The following DOCK1 variants were observed in gnomAD, a reference collection of about 807,000 sequenced individuals.
DOCK1 encodes the protein dedicator of cytokinesis protein 1.
A neutral mutation model predicts 262.7 loss-of-function variants in DOCK1; 138 were observed. The ratio of observed to expected loss-of-function variants is 0.53; its 90% CI spans 0.46 to 0.61. The LOEUF is 0.61. Among genes scored for constraint, DOCK1 ranks in the 20% least tolerant of loss-of-function variants. The pLI, the probability that DOCK1 is intolerant of heterozygous loss-of-function variation, is 0.00. For missense variants in DOCK1, 1,908 were observed against 2,370.7 expected (o/e 0.80, Z 4.05); for synonymous variants, 866 against 867.4 (o/e 1.00, Z 0.03).
rs1591711863 is a variant in DOCK1, at chr10:127,025,037, T to C, written c.1551+254T>C. 2.6e-5 allele frequency: 9 copies of C among 341,926 alleles called. No homozygotes were observed. In the East Asian group the frequency reaches 4.6e-4, roughly 18 times the overall value. The allele number at this position is 341,926 out of a possible 1,614,324, so 21.2% of individuals were successfully genotyped here. On this transcript the variant is annotated intron_variant, in intron 15 of 51. Coordinates refer to ENST00000623213, the MANE Select transcript of DOCK1 (RefSeq NM_001290223.2). ...GACAGAGTCTTTTTAAGATAGCTAT[T>C]GTCTTTCTCTTCCCAGTACTGTTTT...
At chr10:127,207,026 G>A (rs1564903459) in intron 27 of DOCK1, among the ~76,000 whole-genome samples, 1 of 152,168 alleles carries the variant, frequency 6.6e-6, no homozygotes, top group Non-Finnish European at 1.5e-5. Flanking sequence ...CTTGGCAGTG[G>A]AGGTGTAATC....
chr10:127,092,139 A>C (rs2047572294), intron 23 of DOCK1, among the ~76,000 whole-genome samples: 1 of 152,226 alleles, frequency 6.6e-6, no homozygotes, highest in South Asian at 2.1e-4. Flanking sequence ...GCTGTAGAAT[A>C]GTCCCATCAC....
Position 126,996,894 on chromosome 10 carries a change from C to G in DOCK1, c.609+11C>G, listed in dbSNP as rs367883319. 8.9e-5 allele frequency: 141 copies of G among 1,592,278 alleles called. No individual in the cohort carries two copies. In the African/African-American group the frequency reaches 1.7e-3, roughly 20 times the overall value. ...TTACAAGAGGAAAAAGTAAGTTTGA[C>G]TCTGTCATATGCCATTCACGTTTTC... On this transcript the variant is annotated intron_variant, in intron 7 of 51. Coordinates refer to ENST00000623213, the MANE Select transcript of DOCK1 (RefSeq NM_001290223.2).
chr10:126,951,396 T>G (rs1321961913), intron 1 of DOCK1, among the ~76,000 whole-genome samples: 2 of 151,840 alleles, frequency 1.3e-5, no homozygotes, highest in Non-Finnish European at 2.9e-5. Flanking sequence ...GTGATGGTAG[T>G]AGTATTGCTA....
At chr10:127,359,711 G>A (rs530853822) in intron 32 of DOCK1, among the ~76,000 whole-genome samples, 1 of 152,208 alleles carries the variant, frequency 6.6e-6, no homozygotes, top group Non-Finnish European at 1.5e-5. Context: ...CATTTTGTGT[G>A]TATGTCCACC....
intron 23 of DOCK1, among the ~76,000 whole-genome samples, chr10:127,063,574 T>C (rs1460026836): frequency 6.6e-6 from 1 of 152,234 alleles, no homozygotes; most frequent in Non-Finnish European, 1.5e-5. Context: ...CAACTTGATA[T>C]TGCCCAAAGC....
intron 27 of DOCK1, among the ~76,000 whole-genome samples, chr10:127,149,220 C>T (rs2052224382): frequency 6.6e-6 from 1 of 152,176 alleles, no homozygotes; most frequent in South Asian, 2.1e-4. Flanking sequence ...TCCCTTAGTG[C>T]AACCCCAGAG....
intron 49 of DOCK1, among the ~76,000 whole-genome samples, chr10:127,442,523 T>C (rs544573969): frequency 6.6e-6 from 1 of 152,170 alleles, no homozygotes; most frequent in Non-Finnish European, 1.5e-5. Context: ...GTAAGAAATA[T>C]GTAAATACAA....
rs914187216 is a variant in DOCK1 at position 126,934,322 on chromosome 10, A to T, written c.46+28759A>T. On this transcript the variant is annotated intron_variant, in intron 1 of 51. Coordinates refer to ENST00000623213, the MANE Select transcript of DOCK1 (RefSeq NM_001290223.2). ...AGGGGCACCGTTGATGTTGAGTCAG[A>T]ACCTGTGTGACAAATGCTACGCTCA... Among the ~76,000 whole-genome samples, 125 of 152,366 alleles carry T rather than the reference A, an allele frequency of 8.2e-4. No homozygotes were observed. In the Middle Eastern group the frequency reaches 0.01, roughly 12 times the overall value.
In DOCK1 at chr10:126,948,314, GTGA is replaced by G. The variant is rs1591401990; in HGVS notation, c.47-22385_47-22383del. Among the ~76,000 whole-genome samples the G allele has an allele frequency of 4.8e-3, 27 of 5,640 alleles. 7 individuals are homozygous for G. Among genetic ancestry groups the G allele is most frequent in the African/African-American group, 0.014 (14 of 974 alleles). 3.7% of individuals were successfully genotyped at this position (5,640 alleles called of 152,430 possible). ...GTGGTTGGTAGTATTACTGTTGGTG[GTGA>G]TGGTGGTGGTTGGTAGTATTACTGT... On this transcript the variant is annotated intron_variant, in intron 1 of 51. Coordinates refer to ENST00000623213, the MANE Select transcript of DOCK1 (RefSeq NM_001290223.2).
At chr10:126,993,157 G>T (rs1483883789) in intron 6 of DOCK1, among the ~76,000 whole-genome samples, 2 of 152,246 alleles carry the variant, frequency 1.3e-5, no homozygotes, top group African/African-American at 2.4e-5. Flanking sequence ...GCCCTGGCAG[G>T]TGTGAGGTGA....
In DOCK1 at chr10:127,186,150, A is replaced by T. The variant is rs553306624; in HGVS notation, c.2847+58386A>T. On this transcript the variant is annotated intron_variant, in intron 27 of 51. Transcript: ENST00000623213. Reference sequence around the variant, plus strand: ...AAAAACAATAGAGGGTCTGGGGCATACCCAGGGTTCTAGTGACTTCCAAGG... The same window carrying T: ...AAAAACAATAGAGGGTCTGGGGCATTCCCAGGGTTCTAGTGACTTCCAAGG... Among the ~76,000 whole-genome samples, 4 of 152,284 alleles carry T rather than the reference A, an allele frequency of 2.6e-5. No individual in the cohort carries two copies. In the East Asian group the frequency reaches 7.7e-4, roughly 29 times the overall value.
At chr10:127,265,586 C>G (rs767761495) in intron 29 of DOCK1, among the ~76,000 whole-genome samples, 2 of 152,202 alleles carry the variant, frequency 1.3e-5, no homozygotes, top group African/African-American at 2.4e-5. Flanking sequence ...ATTGACGTAG[C>G]ATATTACATT....
chr10:127,264,752 C>G (rs12253883), intron 29 of DOCK1, among the ~76,000 whole-genome samples: 4,478 of 152,160 alleles, frequency 0.029, 211 homozygotes, highest in African/African-American at 0.1. Flanking sequence ...CCTTTAACTA[C>G]TGGGTTCAAG....
chr10:126,927,817 G>A (rs2033873719), intron 1 of DOCK1, among the ~76,000 whole-genome samples: 2 of 152,150 alleles, frequency 1.3e-5, no homozygotes, highest in Non-Finnish European at 2.9e-5. Context: ...TAGGCGTTAA[G>A]GACTCAGTGA....
At chr10:127,005,784 A>G (rs1448522135) in intron 10 of DOCK1, among the ~76,000 whole-genome samples, 1 of 152,170 alleles carries the variant, frequency 6.6e-6, no homozygotes, top group East Asian at 1.9e-4. Context: ...TTTAAATACA[A>G]TATCCCGTCC....
Position 127,281,827 on chromosome 10 carries a change from T to C in DOCK1, c.3044+24398T>C, listed in dbSNP as rs76175603. Among the ~76,000 whole-genome samples, 494 of 152,262 alleles carry C rather than the reference T, an allele frequency of 3.2e-3. 1 individual carries two copies. Among genetic ancestry groups the C allele is most frequent in the African/African-American group, 0.01 (427 of 41,560 alleles). On this transcript the variant is annotated intron_variant, in intron 29 of 51. Transcript: ENST00000623213. The stretch of plus-strand genomic sequence containing the variant: ...AGATGAGTAGATGCTGACTTAGCTC[T>C]GTACAGCTCCCTGGCACCACCCATG...
intron 28 of DOCK1, among the ~76,000 whole-genome samples, chr10:127,249,430 TATAC>T (rs1435084525): frequency 0.024 from 3,143 of 132,114 alleles, 37 homozygotes; most frequent in Middle Eastern, 0.036. Flanking sequence ...TACATATATA[TATAC>T]ACACACACAC....
chr10:127,116,099 G>C (rs2049163281), intron 25 of DOCK1, among the ~76,000 whole-genome samples: 1 of 152,112 alleles, frequency 6.6e-6, no homozygotes, highest in Admixed American at 6.6e-5. Context: ...AGCCTGCTCT[G>C]TGTAGTTTTC....
Sources: allele counts gnomAD v4.1 joint callset (sites outside exome capture counted in the v4.1 genomes callset), GRCh38; gene constraint gnomAD v4.1.1; transcripts MANE v1.5; gene names NCBI Gene and HGNC (gene_info 2026-07-23, HGNC 2026-07-21).